Variants in TSPEAR observed in about 807,000 individuals in gnomAD.
TSPEAR encodes the protein thrombospondin-type laminin G domain and EAR repeat-containing protein.
A neutral mutation model predicts 71.6 loss-of-function variants in TSPEAR; 69 were observed. That is an observed-to-expected ratio of 0.96 (90% confidence interval 0.79 to 1.18). The LOEUF (loss-of-function observed/expected upper bound fraction) is 1.18, where lower values mean the gene tolerates loss of function less well. Among genes scored for constraint, TSPEAR ranks in the 50% most tolerant of loss-of-function variants. TSPEAR has a pLI of 0.00. For synonymous variants in TSPEAR, 402 were observed against 387.2 expected, an observed-to-expected ratio of 1.04 and a Z score of -0.45; for missense variants, 971 against 894.9, an observed-to-expected ratio of 1.09 and a Z score of -1.09.
chr21:44,591,240 G>C, intron 1 of TSPEAR: 3 of 1,435,692 alleles, frequency 2.1e-6, no homozygotes, highest in Middle Eastern at 2.5e-4. Context: ...CCAGCATCTG[G>C]GAAGGACAGG....
At chr21:44,697,195 A>G (rs1298747769) in intron 1 of TSPEAR, 1 of 1,612,622 alleles carries the variant, frequency 6.2e-7, no homozygotes, top group African/African-American at 1.3e-5. Flanking sequence ...GCACGGCTGC[A>G]TCCACCATGT....
At chr21:44,573,910 C>G (rs782603994) in intron 1 of TSPEAR, 2 of 1,612,846 alleles carry the variant, frequency 1.2e-6, no homozygotes, top group Admixed American at 3.3e-5. Flanking sequence ...GCCCCGGCCC[C>G]CTGCCTGAGC....
intron 1 of TSPEAR, among the ~76,000 whole-genome samples, chr21:44,615,637 C>G (rs1555932328): frequency 1.3e-5 from 2 of 150,812 alleles, no homozygotes. Context: ...TCCCCCGGGT[C>G]TCTCTGCAGG....
intron 1 of TSPEAR, among the ~76,000 whole-genome samples, chr21:44,634,427 A>G (rs1983426137): frequency 6.6e-6 from 1 of 152,244 alleles, no homozygotes. Context: ...ATTTTGGGCA[A>G]TGGTTTTTTA....
intron 1 of TSPEAR, among the ~76,000 whole-genome samples, chr21:44,630,935 A>G (rs1429111218): frequency 6.6e-6 from 1 of 152,248 alleles, no homozygotes; most frequent in Admixed American, 6.5e-5. Context: ...TACTAGCCAC[A>G]CAACCAGCAA....
chr21:44,525,119 G>T (rs912144744), intron 8 of TSPEAR, among the ~76,000 whole-genome samples: 4 of 150,620 alleles, frequency 2.7e-5, no homozygotes, highest in African/African-American at 9.8e-5. Flanking sequence ...AGCCAATCAG[G>T]TATCAGTCAG....
chr21:44,710,463 G>A lies in TSPEAR; in HGVS notation c.82+970C>T, dbSNP rs534193034. On this transcript the variant is annotated intron_variant, in intron 1 of 11. Transcript: ENST00000323084. The surrounding 1 kb of genome is among the most constrained non-coding windows in gnomAD (Gnocchi z 4.6). ...ACGCGAGTCAGCACGTTCCATACTC[G>A]GGTGATCGTGCTCATCCCCTGGTCA... 6.8e-6 allele frequency among the ~76,000 whole-genome samples: 1 copy of A among 147,592 alleles called. No individual in the cohort carries two copies. Among genetic ancestry groups the A allele is most frequent in the South Asian group, 2.2e-4 (1 of 4,530 alleles).
At chr21:44,669,283 T>C (rs1399331711) in intron 1 of TSPEAR, among the ~76,000 whole-genome samples, 1 of 151,916 alleles carries the variant, frequency 6.6e-6, no homozygotes, top group Non-Finnish European at 1.5e-5. Flanking sequence ...ATTAGCTGGG[T>C]GTGGTGGCAC....
At chr21:44,582,582 C>T (rs1979056459) in intron 1 of TSPEAR, among the ~76,000 whole-genome samples, 1 of 152,188 alleles carries the variant, frequency 6.6e-6, no homozygotes, top group African/African-American at 2.4e-5. Flanking sequence ...CCCTCTGTCG[C>T]TCCCTTCTCC....
At chr21:44,534,057 G>C in intron 2 of TSPEAR, 134 bp from the exon 3 acceptor site, 1 of 666,586 alleles carries the variant, frequency 1.5e-6, no homozygotes, top group South Asian at 1.7e-5. Context: ...GGCGAGGTGA[G>C]GGGGCGCGGT....
chr21:44,601,592 C>G (rs1335636184), intron 1 of TSPEAR: 6 of 1,613,486 alleles, frequency 3.7e-6, no homozygotes, highest in Non-Finnish European at 4.2e-6. Flanking sequence ...TGCTGCGTGC[C>G]CGTCCCCTCC....
chr21:44,511,329 GCATA>G (rs1457047771), intron 9 of TSPEAR, among the ~76,000 whole-genome samples: 48 of 152,098 alleles, frequency 3.2e-4, no homozygotes, highest in South Asian at 2.3e-3. Flanking sequence ...CTGCATGCAT[GCATA>G]CACACACAAA....
intron 1 of TSPEAR, among the ~76,000 whole-genome samples, chr21:44,602,656 G>A (rs587775748): frequency 2.0e-5 from 3 of 152,350 alleles, no homozygotes; most frequent in African/African-American, 7.2e-5. Context: ...CTGGAATTCT[G>A]GCGTAGCCCA....
intron 8 of TSPEAR, among the ~76,000 whole-genome samples, chr21:44,523,307 T>C (rs587768444): frequency 4.7e-5 from 7 of 150,162 alleles, no homozygotes; most frequent in Admixed American, 1.3e-4. Context: ...GTCAGTCAGT[T>C]TGTCAGTCAG....
At chr21:44,539,448 G>A (rs1381147842) in intron 2 of TSPEAR, 2 of 1,612,870 alleles carry the variant, frequency 1.2e-6, no homozygotes, top group African/African-American at 2.7e-5. Context: ...GGGCGGCAGA[G>A]GAGGGACACG....
At chr21:44,566,514 T>A (rs2053705483) in intron 2 of TSPEAR, among the ~76,000 whole-genome samples, 1 of 152,060 alleles carries the variant, frequency 6.6e-6, no homozygotes, top group South Asian at 2.1e-4. Flanking sequence ...ATAAAATCAA[T>A]ATGTAATTAC....
chr21:44,629,322 C>T (rs1983115365), intron 1 of TSPEAR, among the ~76,000 whole-genome samples: 1 of 152,162 alleles, frequency 6.6e-6, no homozygotes, highest in South Asian at 2.1e-4. Flanking sequence ...TGGGGTCCCT[C>T]ACAGTCCTGG....
chr21:44,711,549 C>T lies in TSPEAR; in HGVS notation c.-35G>A, dbSNP rs375759469. On this transcript the variant is annotated 5_prime_UTR_variant, in exon 1 of 12. Coordinates refer to ENST00000323084, the MANE Select transcript of TSPEAR (RefSeq NM_144991.3). This position sits in a 1 kb window ranked among gnomAD's most constrained non-coding sequence, Gnocchi z 4.5. Reference sequence around the variant, plus strand: ...GGGTGCCAAGCTCCATCCAGGGCTCCGCTCAGCCTGCAGGGAAGTGGCTGC... The same window carrying T: ...GGGTGCCAAGCTCCATCCAGGGCTCTGCTCAGCCTGCAGGGAAGTGGCTGC... The T allele has an allele frequency of 8.2e-5, 131 of 1,591,964 alleles. No individual in the cohort carries two copies. Among genetic ancestry groups the T allele is most frequent in the East Asian group, 3.0e-4 (13 of 43,930 alleles).
At chr21:44,679,265 A>G (rs587758893) in intron 1 of TSPEAR, among the ~76,000 whole-genome samples, 2 of 152,304 alleles carry the variant, frequency 1.3e-5, no homozygotes, top group South Asian at 4.1e-4. Context: ...AGGTTTGCAT[A>G]GACCTGCCCA....
Sources: gnomAD v4.1 joint callset for allele counts (sites outside exome capture counted in the v4.1 genomes callset) on GRCh38, gnomAD v4.1.1 for gene constraint, Gnocchi (gnomAD v3.1) non-coding constraint, MANE v1.5 for transcripts, NCBI Gene and HGNC (gene_info 2026-07-23, HGNC 2026-07-21) for gene names.